The following PDE1C variants were observed in gnomAD, a reference collection of about 807,000 sequenced individuals.
PDE1C encodes phosphodiesterase 1C, also known as dual specificity calcium/calmodulin-dependent 3',5'-cyclic nucleotide phosphodiesterase 1C.
PDE1C carries 62 observed loss-of-function variants against 93.1 expected under a neutral mutation model. The ratio of observed to expected loss-of-function variants is 0.67; its 90% CI spans 0.54 to 0.82. The LOEUF (loss-of-function observed/expected upper bound fraction) is 0.82. Ranked by LOEUF, PDE1C falls within the 40% of genes least tolerant of loss-of-function variation. PDE1C has a pLI of 0.00. For synonymous variants in PDE1C, 325 were observed against 310.1 expected (o/e 1.05, Z -0.50); for missense variants, 742 against 884.6 (o/e 0.84, Z 2.04).
intron 1 of PDE1C, among the ~76,000 whole-genome samples, chr7:32,329,679 C>T (rs554199900): frequency 2.0e-5 from 3 of 152,178 alleles, no homozygotes; most frequent in African/African-American, 7.2e-5. Context: ...GTCATCTATA[C>T]TTCTACTACC....
intron 17 of PDE1C, among the ~76,000 whole-genome samples, chr7:31,774,258 T>C (rs775082914): frequency 1.4e-4 from 21 of 152,194 alleles, no homozygotes; most frequent in Middle Eastern, 3.4e-3. Context: ...ATATGGTAAT[T>C]CCCCAAAGAA....
chr7:32,369,866 CT>C (rs1171372244), intron 1 of PDE1C, among the ~76,000 whole-genome samples: 1 of 152,190 alleles, frequency 6.6e-6, no homozygotes, highest in Admixed American at 6.5e-5. Context: ...AATAGGAACA[CT>C]TTTACACTGT....
chr7:31,750,144 A>G (rs937543907), downstream of PDE1C, among the ~76,000 whole-genome samples: 1 of 152,182 alleles, frequency 6.6e-6, no homozygotes, highest in Non-Finnish European at 1.5e-5. Context: ...TTGGAAGAAT[A>G]AAGCAATTAA....
intron 1 of PDE1C, among the ~76,000 whole-genome samples, chr7:32,409,837 A>T (rs1236963904): frequency 2.0e-5 from 3 of 151,776 alleles, no homozygotes; most frequent in Non-Finnish European, 2.9e-5. Context: ...GTATACATAC[A>T]TATATACATA....
At chr7:31,985,409 C>T (rs753804770) in intron 2 of PDE1C, among the ~76,000 whole-genome samples, 34 of 152,052 alleles carry the variant, frequency 2.2e-4, no homozygotes, top group African/African-American at 8.0e-4. Context: ...AACTTTAATA[C>T]GTTTTTTATT....
the PDE1C span, among the ~76,000 whole-genome samples, chr7:31,622,707 CA>C: frequency 1.3e-5 from 2 of 151,838 alleles, no homozygotes; most frequent in Non-Finnish European, 2.9e-5. Context: ...ACTAGAAAAT[CA>C]AGAGCAAACA....
intron 2 of PDE1C, among the ~76,000 whole-genome samples, chr7:31,896,868 T>A (rs529958330): frequency 8.5e-4 from 129 of 152,342 alleles, no homozygotes; most frequent in African/African-American, 3.0e-3. Context: ...AACGACCTTG[T>A]TATGGTTTGA....
chr7:31,973,566 TATA>T (rs1193246148), intron 2 of PDE1C, among the ~76,000 whole-genome samples: 2 of 150,760 alleles, frequency 1.3e-5, no homozygotes, highest in Admixed American at 1.3e-4. Flanking sequence ...ATATAATGTT[TATA>T]ATGTGTTAGA....
intron 1 of PDE1C, among the ~76,000 whole-genome samples, chr7:32,288,963 G>C (rs753861725): frequency 2.0e-5 from 3 of 152,218 alleles, no homozygotes; most frequent in Admixed American, 6.5e-5. Flanking sequence ...AGAAGAAAAG[G>C]GAAGGGGAAG....
At chr7:31,835,302 C>T (rs1790922986) in intron 11 of PDE1C, among the ~76,000 whole-genome samples, 2 of 152,040 alleles carry the variant, frequency 1.3e-5, no homozygotes, top group African/African-American at 2.4e-5. Flanking sequence ...GAACATCCTC[C>T]TACTACTATT....
chr7:32,111,592 CA>C lies in PDE1C; in HGVS notation c.308+58192del, dbSNP rs138534445. ...GAGGTGTTGGGAGCCAGGAGCCCAC[CA>C]GGTCAATGTCTGTTGGGGAAACTGA... On this transcript the variant is annotated intron_variant, in intron 3 of 18. Coordinates refer to the PDE1C transcript ENST00000396193. Among the ~76,000 whole-genome samples the C allele has an allele frequency of 4.2e-3, 640 of 152,226 alleles. 5 individuals are homozygous for C. Among genetic ancestry groups the C allele is most frequent in the African/African-American group, 0.015 (616 of 41,516 alleles).
chr7:31,674,505 A>G, the PDE1C span, among the ~76,000 whole-genome samples: 1 of 152,190 alleles, frequency 6.6e-6, no homozygotes, highest in Non-Finnish European at 1.5e-5. Flanking sequence ...CAGGGAATAT[A>G]TCTTGCTAGA....
chr7:32,093,705 G>A (rs1797598295), intron 3 of PDE1C, among the ~76,000 whole-genome samples: 1 of 152,214 alleles, frequency 6.6e-6, no homozygotes, highest in Non-Finnish European at 1.5e-5. Flanking sequence ...CATTGGCATG[G>A]TTCAAAGAAA....
chr7:31,684,637 C>A, the PDE1C span, among the ~76,000 whole-genome samples: 258 of 152,218 alleles, frequency 1.7e-3, 1 homozygote, highest in Non-Finnish European at 2.5e-3. Context: ...AGAGAAACTA[C>A]GCAGATGACA....
At chr7:31,707,773 T>A in the PDE1C span, 1 of 156,910 alleles carries the variant, frequency 6.4e-6, no homozygotes, top group Non-Finnish European at 1.4e-5. Flanking sequence ...CTTTTATTTC[T>A]CCTGTCCTAT....
At chr7:31,785,914 A>G (rs1469660421) in intron 16 of PDE1C, 1 of 152,232 alleles carries the variant, frequency 6.6e-6, no homozygotes, top group Non-Finnish European at 1.5e-5. Flanking sequence ...ATTGCTCATT[A>G]TAATTTTTTT....
chr7:32,283,641 G>C (rs1338973887), intron 1 of PDE1C, among the ~76,000 whole-genome samples: 1 of 152,188 alleles, frequency 6.6e-6, no homozygotes, highest in Non-Finnish European at 1.5e-5. Context: ...CCATCACCCT[G>C]AGGGACACTT....
At chr7:32,248,389 C>T (rs902208862) in intron 1 of PDE1C, among the ~76,000 whole-genome samples, 2 of 152,150 alleles carry the variant, frequency 1.3e-5, no homozygotes, top group African/African-American at 4.8e-5. Flanking sequence ...GCCAGATTCC[C>T]AGCCTTGAAT....
intron 2 of PDE1C, among the ~76,000 whole-genome samples, chr7:31,942,746 C>A (rs1806026087): frequency 6.6e-6 from 1 of 152,040 alleles, no homozygotes; most frequent in African/African-American, 2.4e-5. Flanking sequence ...GATTGCTATC[C>A]TTGGGACACG....
Sources: gnomAD v4.1 joint callset for allele counts (sites outside exome capture counted in the v4.1 genomes callset) on GRCh38, gnomAD v4.1.1 for gene constraint, MANE v1.5 for transcripts, NCBI Gene and HGNC (gene_info 2026-07-23, HGNC 2026-07-21) for gene names.